KCNQ5: variants seen among roughly 807,000 people sequenced by gnomAD.
The protein encoded by KCNQ5 is potassium voltage-gated channel subfamily KQT member 5.
In KCNQ5, 30 loss-of-function variants were observed where a neutral mutation model predicts 98.2. That is an observed-to-expected ratio of 0.31 (90% CI 0.23 to 0.41). The LOEUF is 0.41. Ranked by LOEUF, KCNQ5 falls within the 10% of genes least tolerant of loss-of-function variation. The pLI, the probability that KCNQ5 is intolerant of heterozygous loss-of-function variation, is 1.00. For missense variants in KCNQ5, 835 were observed against 1,182.5 expected, an observed-to-expected ratio of 0.71 and a Z score of 4.31; for synonymous variants, 458 against 449.4, an observed-to-expected ratio of 1.02 and a Z score of -0.24.
At chr6:73,075,429 G>C (rs1456411218) in intron 3 of KCNQ5, among the ~76,000 whole-genome samples, 1 of 152,006 alleles carries the variant, frequency 6.6e-6, no homozygotes, top group African/African-American at 2.4e-5. Flanking sequence ...CACCATGTTG[G>C]CCAGGATGGT....
intron 1 of KCNQ5, among the ~76,000 whole-genome samples, chr6:72,677,676 C>T (rs1435219276): frequency 6.6e-6 from 1 of 152,090 alleles, no homozygotes. Flanking sequence ...TCTGTGACAC[C>T]TAACACAATA....
chr6:72,904,334 ATTTAGGCCAC>A (rs1423997346), intron 1 of KCNQ5, among the ~76,000 whole-genome samples: 4 of 152,298 alleles, frequency 2.6e-5, no homozygotes, highest in Non-Finnish European at 5.9e-5. Flanking sequence ...TAAGTGGAGC[ATTTAGGCCAC>A]TTACATTCAA....
chr6:72,726,232 A>G (rs1770263279), intron 1 of KCNQ5, among the ~76,000 whole-genome samples: 2 of 141,302 alleles, frequency 1.4e-5, no homozygotes, highest in Admixed American at 1.5e-4. Context: ...TTTTTTCGAG[A>G]TGGAGTCTGG....
rs57867720 is a variant in KCNQ5, at chr6:73,170,420, CCACACACACACACACACACA to C, written c.1577+588_1577+607del. On this transcript the variant is annotated intron_variant, in intron 11 of 13. Coordinates refer to ENST00000370398, the MANE Select transcript of KCNQ5 (RefSeq NM_019842.4). ...TTTACCTTTTCCATGACCTTTCCCA[CCACACACACACACACACACA>C]CACACACACACACACACACACGCAA... 1.5e-3 allele frequency among the ~76,000 whole-genome samples: 209 copies of C among 140,928 alleles called. 1 individual carries two copies. The highest frequency in any genetic ancestry group is 5.0e-3 in the African/African-American group (189 of 37,526). 92.5% of individuals were successfully genotyped at this position (140,928 alleles called of 152,430 possible). A position where few individuals can be genotyped will look rare whatever the true frequency, so the allele number is the denominator to read the frequency against.
intron 2 of KCNQ5, among the ~76,000 whole-genome samples, chr6:73,032,195 T>G (rs992730515): frequency 8.5e-5 from 13 of 152,240 alleles, no homozygotes; most frequent in African/African-American, 3.1e-4. Context: ...TTTTAAGGAA[T>G]TTTATTTAAA....
chr6:73,145,022 G>A (rs1030947665), intron 10 of KCNQ5, among the ~76,000 whole-genome samples: 1 of 152,180 alleles, frequency 6.6e-6, no homozygotes, highest in African/African-American at 2.4e-5. Context: ...GGCCAGTATT[G>A]CAATCTACCA....
In KCNQ5 at chr6:73,055,430, T is replaced by G. The variant is rs1772438186; in HGVS notation, c.616+13368T>G. 1.3e-5 allele frequency: 20 copies of G among 1,530,412 alleles called. No homozygotes were observed. The South Asian group carries it at 2.2e-4, about 17-fold the overall frequency. 94.8% of individuals were successfully genotyped at this position (1,530,412 alleles called of 1,614,324 possible). On this transcript the variant is annotated intron_variant, in intron 3 of 13. Coordinates refer to ENST00000370398, the MANE Select transcript of KCNQ5 (RefSeq NM_019842.4). ...ACATAGTGAAGCCCAGGTGAAGATCTGCAGGTGCTCCTATGATGTCCCACC... is the reference window on the plus strand; with the variant it reads ...ACATAGTGAAGCCCAGGTGAAGATCGGCAGGTGCTCCTATGATGTCCCACC...
intron 1 of KCNQ5, among the ~76,000 whole-genome samples, chr6:72,730,067 C>T (rs182717175): frequency 1.1e-3 from 174 of 152,160 alleles, no homozygotes; most frequent in African/African-American, 4.0e-3. Flanking sequence ...TGAGGTGGAA[C>T]GATCACTTGA....
chr6:73,026,105 G>C (rs541893300), intron 2 of KCNQ5, among the ~76,000 whole-genome samples: 1 of 152,192 alleles, frequency 6.6e-6, no homozygotes, highest in Non-Finnish European at 1.5e-5. Flanking sequence ...CAGGTGCCCA[G>C]TTCCTTTCAG....
intron 5 of KCNQ5, among the ~76,000 whole-genome samples, chr6:73,096,797 T>C (rs1313329854): frequency 6.6e-6 from 1 of 152,106 alleles, no homozygotes; most frequent in Non-Finnish European, 1.5e-5. Context: ...AATCCCAGCA[T>C]TTTGGGAGGC....
At chr6:72,660,358 A>T (rs1280608853) in intron 1 of KCNQ5, among the ~76,000 whole-genome samples, 1 of 152,346 alleles carries the variant, frequency 6.6e-6, no homozygotes, top group East Asian at 1.9e-4. Flanking sequence ...GAGCGCGGAC[A>T]TGAAAAAACT....
chr6:72,642,471 G>GA (rs1488504360), intron 1 of KCNQ5, among the ~76,000 whole-genome samples: 1 of 151,982 alleles, frequency 6.6e-6, no homozygotes, highest in Admixed American at 6.6e-5. Context: ...CTTTTCAAAA[G>GA]AAAATATATA....
chr6:72,988,874 C>T (rs1206884945), intron 1 of KCNQ5, among the ~76,000 whole-genome samples: 1 of 90,990 alleles, frequency 1.1e-5, no homozygotes, highest in Non-Finnish European at 2.2e-5. Flanking sequence ...TCTCATTGTT[C>T]AATTCCCACC....
intron 1 of KCNQ5, among the ~76,000 whole-genome samples, chr6:72,808,177 C>A (rs147166331): frequency 6.6e-6 from 1 of 152,112 alleles, no homozygotes; most frequent in East Asian, 1.9e-4. Flanking sequence ...TGGAGAGAAG[C>A]GGACTGATTT....
intron 1 of KCNQ5, among the ~76,000 whole-genome samples, chr6:72,667,756 G>A (rs896863663): frequency 6.6e-6 from 1 of 152,096 alleles, no homozygotes; most frequent in African/African-American, 2.4e-5. Context: ...TAGTAATAGG[G>A]CATATTGAAA....
chr6:72,640,339 A>G (rs1386420658), intron 1 of KCNQ5, among the ~76,000 whole-genome samples: 2 of 152,136 alleles, frequency 1.3e-5, no homozygotes, highest in Non-Finnish European at 2.9e-5. Flanking sequence ...CTGGGCAAAA[A>G]AAAAAAAAGT....
At chr6:73,067,120 C>T (rs1773088710) in intron 3 of KCNQ5, among the ~76,000 whole-genome samples, 2 of 152,114 alleles carry the variant, frequency 1.3e-5, no homozygotes, top group South Asian at 4.1e-4. Flanking sequence ...TAATACTTTA[C>T]TTCTTGGAAT....
intron 1 of KCNQ5, among the ~76,000 whole-genome samples, chr6:72,660,539 A>G (rs1582067935): frequency 6.6e-6 from 1 of 152,222 alleles, no homozygotes; most frequent in African/African-American, 2.4e-5. Flanking sequence ...CTTAAGAAGT[A>G]GTTAGCAGTA....
chr6:72,760,447 CGTGTGT>C (rs10607088), intron 1 of KCNQ5, among the ~76,000 whole-genome samples: 6,315 of 148,012 alleles, frequency 0.043, 289 homozygotes, highest in African/African-American at 0.12. Flanking sequence ...TTCAGGAGTA[CGTGTGT>C]GTGTGTGTGT....
Sources: gnomAD v4.1 joint callset for allele counts (sites outside exome capture counted in the v4.1 genomes callset) on GRCh38, gnomAD v4.1.1 for gene constraint, MANE v1.5 for transcripts, NCBI Gene and HGNC (gene_info 2026-07-23, HGNC 2026-07-21) for gene names.